Variants in SULT1B1 observed in about 807,000 individuals in gnomAD.
SULT1B1 encodes the protein sulfotransferase family 1B member 1, also known as sulfotransferase 1B1.
SULT1B1 carries 28 observed loss-of-function variants against 34.6 expected under a neutral mutation model. The observed-to-expected ratio is 0.81, with a 90% confidence interval of 0.60 to 1.11. The LOEUF is 1.11. SULT1B1 is among the 50% of genes least tolerant of loss of function. SULT1B1 has a pLI of 0.00. For missense variants in SULT1B1, 374 were observed against 352.2 expected, an observed-to-expected ratio of 1.06 and a Z score of -0.50; for synonymous variants, 147 against 110.2, an observed-to-expected ratio of 1.33 and a Z score of -2.09.
At position 69,752,605 on chromosome 4, in the gene SULT1B1, A is replaced by G. The variant is rs188609558; in HGVS notation, c.277+2065T>C. On this transcript the variant is annotated intron_variant, in intron 3 of 7. Transcript: ENST00000310613. ...GATTTTATATTTGTAACTTTGAAAA[A>G]TTGAATATATTTTTTAAACAAAACA... 1.0e-3 allele frequency among the ~76,000 whole-genome samples: 152 copies of G among 152,328 alleles called. 1 individual carries two copies. Among genetic ancestry groups the G allele is most frequent in the African/African-American group, 3.6e-3 (149 of 41,570 alleles).
chr4:69,739,072 G>A (rs146594597), intron 4 of SULT1B1, among the ~76,000 whole-genome samples: 260 of 152,334 alleles, frequency 1.7e-3, no homozygotes, highest in African/African-American at 6.1e-3. Flanking sequence ...GCAAGGTACA[G>A]CCCCTCTCCT....
At position 69,724,496 on chromosome 4, in the gene SULT1B1, T is replaced by G. The variant is rs1444465931; in HGVS notation, c.*2592A>C. ...CATCCCCATTAAGCTACCAATGACT[T>G]TCTTCACAGAATTGGAAAAAACTAC... On this transcript the variant is annotated 3_prime_UTR_variant, in exon 8 of 8. Coordinates refer to ENST00000310613, the MANE Select transcript of SULT1B1 (RefSeq NM_014465.4). The G allele has an allele frequency of 6.6e-6, 1 of 152,214 alleles. No homozygotes were observed. The highest frequency in any genetic ancestry group is 2.4e-5 in the African/African-American group (1 of 41,452). 9.4% of individuals were successfully genotyped at this position (152,214 alleles called of 1,614,324 possible).
chr4:69,757,587 C>T (rs550197453), intron 1 of SULT1B1, among the ~76,000 whole-genome samples: 6 of 151,474 alleles, frequency 4.0e-5, no homozygotes, highest in Non-Finnish European at 8.9e-5. Context: ...CCCCCATCTA[C>T]ACACACACAC....
At position 69,730,575 on chromosome 4, in the gene SULT1B1, T is replaced by C. The variant is rs201116405; in HGVS notation, c.704A>G (p.Asp235Gly). Reference sequence around the variant, plus strand: ...ATGTGTATAATTTACCAAAGGATTGTCCTTCATCACTTCAAATGAGGTGTG... The same window carrying C: ...ATGTGTATAATTTACCAAAGGATTGCCCTTCATCACTTCAAATGAGGTGTG... The part of the protein sequence containing the change: ...IHHTSFEVMK[D>G]NPLVNYTHLP... The change falls in exon 7 of 8, where the codon GAC becomes GGC. Residue 235 changes from aspartate (D) to glycine (G), a missense_variant. Asp to Gly is a moderately conservative substitution (Grantham distance 94). Transcript: ENST00000310613. The C allele has an allele frequency of 2.5e-5, 41 of 1,613,362 alleles. No individual in the cohort carries two copies. The South Asian group carries it at 4.3e-4, about 17-fold the overall frequency.
intron 4 of SULT1B1, among the ~76,000 whole-genome samples, chr4:69,747,817 T>G (rs1207840415): frequency 6.6e-6 from 1 of 152,150 alleles, no homozygotes; most frequent in Non-Finnish European, 1.5e-5. Flanking sequence ...CTCTAGGAGC[T>G]GTGCGGGGCC....
In SULT1B1 at chr4:69,726,173, G is replaced by A. The variant is rs1368884681; in HGVS notation, c.*915C>T. ...AGGAACATTGGGTCAAGAGGGCAGAGTGGAGATTCAGCCTAGAGAGTCTTC... is the reference window on the plus strand; with the variant it reads ...AGGAACATTGGGTCAAGAGGGCAGAATGGAGATTCAGCCTAGAGAGTCTTC... On this transcript the variant is annotated 3_prime_UTR_variant, in exon 8 of 8. Coordinates refer to ENST00000310613, the MANE Select transcript of SULT1B1 (RefSeq NM_014465.4). 1.3e-5 allele frequency: 2 copies of A among 149,376 alleles called. No individual in the cohort carries two copies. The highest frequency in any genetic ancestry group is 3.0e-5 in the Non-Finnish European group (2 of 67,306). 9.3% of individuals were successfully genotyped at this position (149,376 alleles called of 1,614,324 possible). A position where few individuals can be genotyped will look rare whatever the true frequency, so the allele number is the denominator to read the frequency against.
In SULT1B1 at chr4:69,727,038, A is replaced by G; in HGVS notation, c.*50T>C. The stretch of plus-strand genomic sequence containing the variant: ...ATCAATTCATAACTGCCCTCGTTTC[A>G]ATCAACTACAGACAATCTCTTATTT... On this transcript the variant is annotated 3_prime_UTR_variant, in exon 8 of 8. Coordinates refer to ENST00000310613, the MANE Select transcript of SULT1B1 (RefSeq NM_014465.4). 2 of 1,391,174 alleles carry G rather than the reference A, an allele frequency of 1.4e-6. No individual in the cohort carries two copies. The highest frequency in any genetic ancestry group is 2.0e-6 in the Non-Finnish European group (2 of 1,020,852). 86.2% of individuals were successfully genotyped at this position (1,391,174 alleles called of 1,614,324 possible). A position where few individuals can be genotyped will look rare whatever the true frequency, so the allele number is the denominator to read the frequency against.
chr4:69,751,951 C>T (rs2110030395), intron 3 of SULT1B1, among the ~76,000 whole-genome samples: 1 of 152,284 alleles, frequency 6.6e-6, no homozygotes, highest in East Asian at 1.9e-4. Context: ...GTCTTGCCTC[C>T]CTCTTGAACT....
rs1717673904 is a variant in SULT1B1, at chr4:69,721,741, GA to G, written c.*5346del. ...TCTGAGTGTCTATCCATGTCATGAT[GA>G]AAAGTTCTTGTAAGCAATGCTTTGG... On this transcript the variant is annotated 3_prime_UTR_variant, in exon 8 of 8. Transcript: ENST00000310613. 4.6e-5 allele frequency: 7 copies of G among 152,218 alleles called. No individual in the cohort carries two copies. The South Asian group carries it at 1.5e-3, about 32-fold the overall frequency. 9.4% of individuals were successfully genotyped at this position (152,218 alleles called of 1,614,324 possible). A position where few individuals can be genotyped will look rare whatever the true frequency, so the allele number is the denominator to read the frequency against.
chr4:69,753,839 A>C (rs1259257651), intron 3 of SULT1B1, among the ~76,000 whole-genome samples: 1 of 152,198 alleles, frequency 6.6e-6, no homozygotes, highest in East Asian at 1.9e-4. Context: ...TTGGCCAATC[A>C]AAGGTGGCCA....
intron 4 of SULT1B1, among the ~76,000 whole-genome samples, chr4:69,746,441 C>T (rs1425743668): frequency 6.6e-6 from 1 of 152,050 alleles, no homozygotes; most frequent in Non-Finnish European, 1.5e-5. Context: ...TGTGTTGATT[C>T]AAAGGAACAG....
intron 7 of SULT1B1, among the ~76,000 whole-genome samples, chr4:69,728,799 G>A (rs530465158): frequency 6.6e-6 from 1 of 152,050 alleles, no homozygotes; most frequent in South Asian, 2.1e-4. Flanking sequence ...TTTGCCACAG[G>A]TGTTATTATA....
intron 4 of SULT1B1, among the ~76,000 whole-genome samples, chr4:69,737,369 A>C (rs1034802796): frequency 7.2e-5 from 11 of 152,220 alleles, no homozygotes; most frequent in Admixed American, 5.9e-4. Flanking sequence ...AAACAGAAAG[A>C]AAATGACAGT....
chr4:69,744,297 G>C (rs115216896), intron 4 of SULT1B1, among the ~76,000 whole-genome samples: 2,049 of 152,276 alleles, frequency 0.013, 56 homozygotes, highest in African/African-American at 0.047. Flanking sequence ...CAGCGGAGGC[G>C]CAGCGGCCCT....
chr4:69,747,988 G>C (rs1213792673), intron 4 of SULT1B1, among the ~76,000 whole-genome samples: 2 of 151,828 alleles, frequency 1.3e-5, no homozygotes, highest in Non-Finnish European at 2.9e-5. Flanking sequence ...CTTTTTCAGG[G>C]GGAGAAGCTC....
chr4:69,722,869 C>T lies in SULT1B1; in HGVS notation c.*4219G>A, dbSNP rs572178468. 3.3e-5 allele frequency: 5 copies of T among 151,960 alleles called. No individual in the cohort carries two copies. Among genetic ancestry groups the T allele is most frequent in the African/African-American group, 1.2e-4 (5 of 41,348 alleles). 9.4% of individuals were successfully genotyped at this position (151,960 alleles called of 1,614,324 possible). ...CCAAAACCACCACCCCCACCCCTTT[C>T]AGAACAAGTAAGGGCCCAGGGTACT... On this transcript the variant is annotated 3_prime_UTR_variant, in exon 8 of 8. Coordinates refer to ENST00000310613, the MANE Select transcript of SULT1B1 (RefSeq NM_014465.4).
At chr4:69,741,581 C>T (rs1444806413) in intron 4 of SULT1B1, among the ~76,000 whole-genome samples, 1 of 152,130 alleles carries the variant, frequency 6.6e-6, no homozygotes, top group African/African-American at 2.4e-5. Flanking sequence ...TTGTAATTCT[C>T]ATTGTAGAGA....
At chr4:69,757,681 G>A (rs1469679213) in intron 1 of SULT1B1, among the ~76,000 whole-genome samples, 4 of 151,964 alleles carry the variant, frequency 2.6e-5, no homozygotes, top group Non-Finnish European at 5.9e-5. Flanking sequence ...ATTTTTATAT[G>A]TTATCATTCA....
intron 7 of SULT1B1, among the ~76,000 whole-genome samples, chr4:69,729,397 C>G (rs1198665765): frequency 6.6e-6 from 1 of 152,014 alleles, no homozygotes; most frequent in African/African-American, 2.4e-5. Context: ...CAATCCCCCA[C>G]ATATAGCAAG....
Sources: allele counts gnomAD v4.1 joint callset (sites outside exome capture counted in the v4.1 genomes callset), GRCh38; gene constraint gnomAD v4.1.1; transcripts MANE v1.5; gene names NCBI Gene and HGNC (gene_info 2026-07-23, HGNC 2026-07-21).